Variants in CORO2B observed in about 807,000 individuals in gnomAD.
CORO2B encodes coronin 2B.
In CORO2B, 26 loss-of-function variants were observed where a neutral mutation model predicts 58.8. The ratio of observed to expected loss-of-function variants is 0.44; its 90% CI spans 0.32 to 0.61. CORO2B has a LOEUF of 0.61. CORO2B is among the 20% of genes least tolerant of loss of function. The pLI is 0.04. For synonymous variants in CORO2B, 242 were observed against 253.8 expected, an observed-to-expected ratio of 0.95 and a Z score of 0.44; for missense variants, 460 against 645.1, an observed-to-expected ratio of 0.71 and a Z score of 3.11.
chr15:68,677,171 C>T (rs1406408050), intron 2 of CORO2B, among the ~76,000 whole-genome samples: 1 of 152,212 alleles, frequency 6.6e-6, no homozygotes, highest in Non-Finnish European at 1.5e-5. Flanking sequence ...TCTGTCAGTG[C>T]TCCCTCTTCC....
chr15:68,714,463 A>T, intron 6 of CORO2B, 96 bp from the exon 7 acceptor site: 3 of 896,690 alleles, frequency 3.3e-6, no homozygotes, highest in Non-Finnish European at 5.5e-6. Context: ...AGGTCTTAAC[A>T]TAAAGTAGTT....
chr15:68,652,603 T>G (rs1399460347), intron 2 of CORO2B, among the ~76,000 whole-genome samples: 1 of 152,226 alleles, frequency 6.6e-6, no homozygotes, highest in Non-Finnish European at 1.5e-5. Context: ...CAGTCCCAGC[T>G]GTACACCGGG....
intron 11 of CORO2B, 78 bp from the exon 12 acceptor site, chr15:68,725,765 G>A: frequency 1.1e-5 from 17 of 1,578,564 alleles, no homozygotes; most frequent in Non-Finnish European, 1.4e-5. Flanking sequence ...GCAGGCAGCT[G>A]GAGACTCACC....
chr15:68,563,134 A>G, the CORO2B span, among the ~76,000 whole-genome samples: 158 of 152,064 alleles, frequency 1.0e-3, no homozygotes, highest in African/African-American at 3.6e-3. Context: ...ACATTAAGGA[A>G]CTAGAAAAAG....
intron 1 of CORO2B, among the ~76,000 whole-genome samples, chr15:68,608,888 A>G (rs1212813774): frequency 6.6e-6 from 1 of 152,162 alleles, no homozygotes. Flanking sequence ...TTCAGCCTCC[A>G]TCCATCCGTT....
the CORO2B span, among the ~76,000 whole-genome samples, chr15:68,519,370 A>G: frequency 1.3e-5 from 2 of 152,180 alleles, no homozygotes; most frequent in Non-Finnish European, 1.5e-5. Flanking sequence ...ATTTACCAAA[A>G]CTGTCAGATA....
chr15:68,543,300 T>C, the CORO2B span, among the ~76,000 whole-genome samples: 1 of 152,168 alleles, frequency 6.6e-6, no homozygotes, highest in East Asian at 1.9e-4. Context: ...TGAGTGGAAA[T>C]TTCCAGAACA....
intron 1 of CORO2B, among the ~76,000 whole-genome samples, chr15:68,630,319 AGCTGT>A (rs1311194128): frequency 6.6e-6 from 1 of 152,144 alleles, no homozygotes; most frequent in Admixed American, 6.5e-5. Flanking sequence ...TCATCCCCTG[AGCTGT>A]GCAACTTTTC....
rs1233710689 is a variant in CORO2B at position 68,616,164 on chromosome 15, A to G, written c.16-28996A>G. Among the ~76,000 whole-genome samples, 4 of 152,194 alleles carry G rather than the reference A, an allele frequency of 2.6e-5. No homozygotes were observed. The East Asian group carries it at 7.7e-4, about 29-fold the overall frequency. On this transcript the variant is annotated intron_variant, in intron 1 of 11. Coordinates refer to ENST00000261861, the MANE Select transcript of CORO2B (RefSeq NM_006091.5). ...GGCCTGTGCTTTTGTAGTAAACAGT[A>G]TAATGATGGGCATAATTGGGTTGCT...
chr15:68,574,103 G>A, upstream of CORO2B, among the ~76,000 whole-genome samples: 1 of 152,196 alleles, frequency 6.6e-6, no homozygotes, highest in East Asian at 1.9e-4. Context: ...ATCTGTGTGT[G>A]CAAGAGCTGC....
At chr15:68,595,329 A>G (rs1595957605) in intron 1 of CORO2B, among the ~76,000 whole-genome samples, 1 of 152,210 alleles carries the variant, frequency 6.6e-6, no homozygotes, top group South Asian at 2.1e-4. Context: ...ATTTCCTCCC[A>G]GGAAGGGGGA....
At chr15:68,634,182 G>A (rs1789258089) in intron 1 of CORO2B, among the ~76,000 whole-genome samples, 1 of 152,232 alleles carries the variant, frequency 6.6e-6, no homozygotes, top group African/African-American at 2.4e-5. Flanking sequence ...AGAGAATAGG[G>A]CTGAAAACCA....
chr15:68,593,123 G>A (rs1426855766), intron 1 of CORO2B, among the ~76,000 whole-genome samples: 2 of 152,088 alleles, frequency 1.3e-5, no homozygotes, highest in African/African-American at 2.4e-5. Flanking sequence ...CCCACTCCCA[G>A]GATAATCACA....
chr15:68,548,729 A>G, the CORO2B span, among the ~76,000 whole-genome samples: 8 of 152,240 alleles, frequency 5.3e-5, no homozygotes, highest in African/African-American at 1.9e-4. Context: ...CTGATACTCA[A>G]TACTTTCAGA....
the CORO2B span, among the ~76,000 whole-genome samples, chr15:68,531,748 C>T: frequency 6.6e-6 from 1 of 151,292 alleles, no homozygotes; most frequent in African/African-American, 2.4e-5. Context: ...ACTTTTAATG[C>T]TCTCTATTGT....
intron 1 of CORO2B, among the ~76,000 whole-genome samples, chr15:68,606,955 TG>T (rs1209041211): frequency 1.3e-5 from 2 of 152,198 alleles, no homozygotes; most frequent in African/African-American, 4.8e-5. Context: ...GCAAGCCAGC[TG>T]ATCAGAGCCT....
intron 2 of CORO2B, among the ~76,000 whole-genome samples, chr15:68,649,330 G>A (rs1280598967): frequency 6.6e-6 from 1 of 152,030 alleles, no homozygotes; most frequent in Non-Finnish European, 1.5e-5. Flanking sequence ...ACTACCAATT[G>A]ATTTCTGTTG....
intron 3 of CORO2B, among the ~76,000 whole-genome samples, chr15:68,709,459 G>GTTTTTTTTTTTT: frequency 1.0e-5 from 1 of 99,078 alleles, no homozygotes; most frequent in African/African-American, 3.6e-5. Flanking sequence ...TTTTTTTCGT[G>GTTTTTTTTTTTT]TTTTTTTTTT....
At chr15:68,611,596 T>C (rs991578030) in intron 1 of CORO2B, among the ~76,000 whole-genome samples, 1 of 152,184 alleles carries the variant, frequency 6.6e-6, no homozygotes, top group Non-Finnish European at 1.5e-5. Flanking sequence ...ATCTTTTTCC[T>C]AGATGGATGT....
Sources: allele counts gnomAD v4.1 joint callset (sites outside exome capture counted in the v4.1 genomes callset), GRCh38; gene constraint gnomAD v4.1.1; transcripts MANE v1.5; gene names NCBI Gene and HGNC (gene_info 2026-07-23, HGNC 2026-07-21).